The following IGSF21 variants were observed in gnomAD, a reference collection of about 807,000 sequenced individuals.
The protein encoded by IGSF21 is immunoglobulin superfamily member 21.
A neutral mutation model predicts 46.8 loss-of-function variants in IGSF21; 28 were observed. That is an observed-to-expected ratio of 0.60 (90% CI 0.44 to 0.82). The LOEUF is 0.82. IGSF21 is among the 40% of genes least tolerant of loss of function. The probability of loss-of-function intolerance (pLI) is 0.00; values close to 1 mark genes in which losing one functional copy is unlikely to be tolerated. For synonymous variants in IGSF21, 284 were observed against 273.6 expected, an observed-to-expected ratio of 1.04 and a Z score of -0.38; for missense variants, 624 against 665.5, an observed-to-expected ratio of 0.94 and a Z score of 0.69.
chr1:18,304,708 TACAC>T (rs931235898), intron 3 of IGSF21, among the ~76,000 whole-genome samples: 3 of 63,270 alleles, frequency 4.7e-5, no homozygotes, highest in Non-Finnish European at 9.2e-5. Context: ...CACACACACA[TACAC>T]ACACACACAC....
At chr1:18,357,520 G>C (rs1157667500) in intron 4 of IGSF21, among the ~76,000 whole-genome samples, 1 of 149,936 alleles carries the variant, frequency 6.7e-6, no homozygotes, top group Non-Finnish European at 1.5e-5. Flanking sequence ...AGCAGGTGGA[G>C]AGGGGGAGTG....
At chr1:18,297,359 C>CAACA (rs905916999) in intron 3 of IGSF21, among the ~76,000 whole-genome samples, 6 of 152,106 alleles carry the variant, frequency 3.9e-5, no homozygotes, top group Non-Finnish European at 7.4e-5. Flanking sequence ...TTCCTTCCCC[C>CAACA]AACACTCACA....
intron 2 of IGSF21, among the ~76,000 whole-genome samples, chr1:18,277,263 T>A (rs905513741): frequency 7.2e-5 from 11 of 152,216 alleles, no homozygotes; most frequent in Non-Finnish European, 1.6e-4. Flanking sequence ...CTCGGTTGCC[T>A]CCTTTGAAGA....
chr1:18,316,858 G>A (rs2085547913), intron 3 of IGSF21, among the ~76,000 whole-genome samples: 1 of 152,200 alleles, frequency 6.6e-6, no homozygotes, highest in Non-Finnish European at 1.5e-5. Context: ...TACATACCAA[G>A]TGCTGTGTGT....
chr1:18,289,913 A>G (rs1305219229), intron 2 of IGSF21, among the ~76,000 whole-genome samples: 1 of 152,180 alleles, frequency 6.6e-6, no homozygotes, highest in Non-Finnish European at 1.5e-5. Context: ...GGGGATGGGA[A>G]GAGGGTGCAT....
chr1:18,192,371 G>T (rs1241039948), intron 1 of IGSF21, among the ~76,000 whole-genome samples: 1 of 152,214 alleles, frequency 6.6e-6, no homozygotes, highest in East Asian at 1.9e-4. Context: ...CTGTGCCTCA[G>T]TTTTCTCATC....
rs368667200 is a variant in IGSF21, at chr1:18,375,024, C to G, written c.1016-1286C>G. ...GGCTGTTCCCTGTGCCTGGAATATG[C>G]CTCGTGAGCTTCACAGCTCAGCTTA... On this transcript the variant is annotated intron_variant, in intron 6 of 9. Coordinates refer to ENST00000251296, the MANE Select transcript of IGSF21 (RefSeq NM_032880.5). 9.8e-5 allele frequency among the ~76,000 whole-genome samples: 15 copies of G among 152,288 alleles called. No individual in the cohort carries two copies. The East Asian group carries it at 2.3e-3, about 24-fold the overall frequency.
In IGSF21 at chr1:18,335,565, T is replaced by C. The variant is rs1366543762; in HGVS notation, c.424+555T>C. Reference sequence around the variant, plus strand: ...CCCCATCCCAGACTCAGTTTTCCCATGTGTAAAACAAGAATGCTGCTCTGC... The same window carrying C: ...CCCCATCCCAGACTCAGTTTTCCCACGTGTAAAACAAGAATGCTGCTCTGC... On this transcript the variant is annotated intron_variant, in intron 4 of 9. Coordinates refer to ENST00000251296, the MANE Select transcript of IGSF21 (RefSeq NM_032880.5). The surrounding 1 kb of genome is among the most constrained non-coding windows in gnomAD (Gnocchi z 4.8). Among the ~76,000 whole-genome samples the C allele has an allele frequency of 6.6e-6, 1 of 152,166 alleles. No homozygotes were observed. The highest frequency in any genetic ancestry group is 3.2e-3 in the Middle Eastern group (1 of 316).
intron 2 of IGSF21, among the ~76,000 whole-genome samples, chr1:18,276,352 C>T (rs1383361279): frequency 6.6e-6 from 1 of 152,158 alleles, no homozygotes; most frequent in Non-Finnish European, 1.5e-5. Context: ...GCAAGGTCCC[C>T]CTCCTTCTCC....
chr1:18,365,270 A>G lies in IGSF21; in HGVS notation c.588A>G (p.Ser196=). 2 of 1,613,466 alleles carry G rather than the reference A, an allele frequency of 1.2e-6. No homozygotes were observed. Among genetic ancestry groups the G allele is most frequent in the Non-Finnish European group, 1.7e-6 (2 of 1,179,612 alleles). The change falls in exon 6 of 10, where the codon TCA becomes TCG. Residue 196 remains serine (S), a synonymous_variant. Transcript: ENST00000251296. This position sits in a 1 kb window ranked among gnomAD's most constrained non-coding sequence, Gnocchi z 4.8. ...AACCAATCGACGCAGTGCCCCTATC[A>G]GAGCCACCAGCTGCGAGCTCCGGCC... ...DGEPIDAVPL[S]EPPAASSGPL... is the part of the protein sequence containing the mutation.
chr1:18,312,995 G>C (rs773172741), intron 3 of IGSF21, among the ~76,000 whole-genome samples: 1 of 152,190 alleles, frequency 6.6e-6, no homozygotes, highest in Non-Finnish European at 1.5e-5. Flanking sequence ...TACAGCAGGG[G>C]CTCAGGAATG....
At chr1:18,137,349 G>A (rs2086375603) in intron 1 of IGSF21, among the ~76,000 whole-genome samples, 1 of 152,118 alleles carries the variant, frequency 6.6e-6, no homozygotes, top group Non-Finnish European at 1.5e-5. Context: ...CTCCAACACT[G>A]GGGATTGCAT....
intron 1 of IGSF21, chr1:18,113,095 A>G (rs998340462): frequency 3.9e-5 from 6 of 152,262 alleles, no homozygotes; most frequent in Non-Finnish European, 8.8e-5. Flanking sequence ...GAAGCAATCC[A>G]GAGACAGCTG....
chr1:18,243,420 C>T (rs1297716049), intron 2 of IGSF21, among the ~76,000 whole-genome samples: 1 of 152,242 alleles, frequency 6.6e-6, no homozygotes, highest in East Asian at 1.9e-4. Flanking sequence ...AAAAGACAAG[C>T]CCTGAATCCA....
At chr1:18,166,694 G>A (rs1230689641) in intron 1 of IGSF21, among the ~76,000 whole-genome samples, 2 of 152,176 alleles carry the variant, frequency 1.3e-5, no homozygotes, top group Non-Finnish European at 2.9e-5. Flanking sequence ...ATGCAGAGTG[G>A]GGTCTGTCCA....
intron 2 of IGSF21, among the ~76,000 whole-genome samples, chr1:18,246,472 T>C (rs1489401306): frequency 6.6e-6 from 1 of 152,138 alleles, no homozygotes; most frequent in African/African-American, 2.4e-5. Flanking sequence ...ATGTGGAGCT[T>C]AGGACTCCAA....
At chr1:18,281,367 C>T (rs1303260526) in intron 2 of IGSF21, among the ~76,000 whole-genome samples, 2 of 151,976 alleles carry the variant, frequency 1.3e-5, no homozygotes, top group African/African-American at 4.8e-5. Context: ...CGAGACCAGC[C>T]TGGCCAACAT....
intron 1 of IGSF21, among the ~76,000 whole-genome samples, chr1:18,214,749 T>G (rs1173148142): frequency 6.6e-6 from 1 of 152,056 alleles, no homozygotes; most frequent in African/African-American, 2.4e-5. Flanking sequence ...TGGTTTCTGT[T>G]TTTTGAGACG....
At chr1:18,250,585 C>G (rs766515455) in intron 2 of IGSF21, among the ~76,000 whole-genome samples, 2 of 152,166 alleles carry the variant, frequency 1.3e-5, no homozygotes. Context: ...CATTATATGG[C>G]GAAAATTATA....
Sources: gnomAD v4.1 joint callset for allele counts (sites outside exome capture counted in the v4.1 genomes callset) on GRCh38, gnomAD v4.1.1 for gene constraint, Gnocchi (gnomAD v3.1) non-coding constraint, MANE v1.5 for transcripts, NCBI Gene and HGNC (gene_info 2026-07-23, HGNC 2026-07-21) for gene names.